The following DNAJC13 variants were observed in gnomAD, a reference collection of about 807,000 sequenced individuals.
DNAJC13 encodes the protein DnaJ heat shock protein family (Hsp40) member C13, also known as dnaJ homolog subfamily C member 13.
DNAJC13 carries 75 observed loss-of-function variants against 290.5 expected under a neutral mutation model. That is an observed-to-expected ratio of 0.26 (90% CI 0.21 to 0.31). The LOEUF is 0.31. Ranked by LOEUF, DNAJC13 falls within the 10% of genes least tolerant of loss-of-function variation. The pLI is 1.00. For synonymous variants in DNAJC13, 862 were observed against 892.0 expected, an observed-to-expected ratio of 0.97 and a Z score of 0.60; for missense variants, 2,260 against 2,674.5, an observed-to-expected ratio of 0.85 and a Z score of 3.42.
At position 132,516,947 on chromosome 3, in the gene DNAJC13, A is replaced by G; in HGVS notation, c.5673+131A>G. The stretch of plus-strand genomic sequence containing the variant: ...AATGAGGTGATGTGAAAGTTGGAAA[A>G]TTCACATTCCGGGAATTGTTCCTAT... On this transcript the variant is annotated intron_variant, in intron 48 of 55. Transcript: ENST00000260818. 5.0e-6 allele frequency: 4 copies of G among 797,880 alleles called. No homozygotes were observed. The South Asian group carries it at 7.3e-5, about 15-fold the overall frequency. 49.4% of individuals were successfully genotyped at this position (797,880 alleles called of 1,614,324 possible).
rs1193464069 is a variant in DNAJC13 at position 132,539,020 on chromosome 3, TTTG to T, written c.*741_*743del. 6.5e-6 allele frequency: 1 copy of T among 152,686 alleles called. No homozygotes were observed. The highest frequency in any genetic ancestry group is 1.5e-5 in the Non-Finnish European group (1 of 68,046). 9.5% of individuals were successfully genotyped at this position (152,686 alleles called of 1,614,324 possible). A position where few individuals can be genotyped will look rare whatever the true frequency, so the allele number is the denominator to read the frequency against. On this transcript the variant is annotated 3_prime_UTR_variant, in exon 56 of 56. Coordinates refer to ENST00000260818, the MANE Select transcript of DNAJC13 (RefSeq NM_015268.4). ...TTTAAAAATAAAGGGAATTGACTGC[TTTG>T]TTAATGAGATATATTTGTTCTAGTT... is the stretch of plus-strand genomic sequence containing the variant.
intron 1 of DNAJC13, among the ~76,000 whole-genome samples, 197 bp from the exon 2 acceptor site, chr3:132,434,341 G>T (rs1306827915): frequency 7.4e-6 from 1 of 135,594 alleles, no homozygotes; most frequent in South Asian, 2.2e-4. Flanking sequence ...AGCAAAGATC[G>T]TGCCACTGCA....
intron 22 of DNAJC13, among the ~76,000 whole-genome samples, chr3:132,476,674 A>G (rs1266413539): frequency 6.6e-6 from 1 of 151,838 alleles, no homozygotes; most frequent in Admixed American, 6.6e-5. Context: ...CCTCTCTCAC[A>G]CTCTGTTCCA....
chr3:132,485,223 C>T (rs1032732089), intron 29 of DNAJC13, among the ~76,000 whole-genome samples: 3 of 152,148 alleles, frequency 2.0e-5, no homozygotes, highest in East Asian at 1.9e-4. Context: ...ATCCAACCTT[C>T]GCCTCCCATG....
At chr3:132,449,020 A>C (rs1055999651) in intron 5 of DNAJC13, among the ~76,000 whole-genome samples, 4 of 152,188 alleles carry the variant, frequency 2.6e-5, no homozygotes, top group African/African-American at 9.7e-5. Flanking sequence ...AGTTAACTTC[A>C]GCCATTTAAT....
At chr3:132,488,572 T>G in intron 30 of DNAJC13, 120 bp downstream of exon 30, 1 of 1,040,598 alleles carries the variant, frequency 9.6e-7, no homozygotes, top group East Asian at 2.7e-5. Context: ...TAAAGGCTAT[T>G]TAAGTACATG....
chr3:132,440,856 T>C (rs1010890437), intron 2 of DNAJC13, among the ~76,000 whole-genome samples: 2 of 152,198 alleles, frequency 1.3e-5, no homozygotes, highest in African/African-American at 4.8e-5. Context: ...GTTAAGGAAG[T>C]TATCAGAGAA....
intron 55 of DNAJC13, among the ~76,000 whole-genome samples, chr3:132,531,364 C>A (rs971855004): frequency 6.6e-6 from 1 of 152,112 alleles, no homozygotes; most frequent in African/African-American, 2.4e-5. Context: ...ATATTTGGAG[C>A]ATGTCTGTAT....
chr3:132,519,476 T>C (rs1437083422), intron 48 of DNAJC13, among the ~76,000 whole-genome samples: 3 of 152,146 alleles, frequency 2.0e-5, no homozygotes, highest in African/African-American at 7.2e-5. Flanking sequence ...TATTGAGTTG[T>C]AATTGTTATG....
Position 132,490,932 on chromosome 3 carries a change from TG to T in DNAJC13, c.3507del (p.His1170ThrfsTer11). On this transcript the variant is annotated frameshift_variant, in exon 32 of 56. Coordinates refer to ENST00000260818, the MANE Select transcript of DNAJC13 (RefSeq NM_015268.4). LOFTEE classifies it high-confidence loss of function. ...GQDIFQRSILGHILPEAMVCY... is the reference protein window; with the variant it reads ...GQDIFQRSILXHILPEAMVCY... Reference sequence around the variant, plus strand: ...AAGATATTTTTCAGAGAAGTATACTTGGGCACATTCTACCTGAAGCAATGGT... The same window carrying T: ...AAGATATTTTTCAGAGAAGTATACTTGGCACATTCTACCTGAAGCAATGGT... 6.2e-7 allele frequency: 1 copy of T among 1,609,726 alleles called. No homozygotes were observed. The highest frequency in any genetic ancestry group is 8.5e-7 in the Non-Finnish European group (1 of 1,178,558).
intron 54 of DNAJC13, 98 bp downstream of exon 54, chr3:132,528,430 G>A: frequency 7.0e-7 from 1 of 1,419,478 alleles, no homozygotes; most frequent in Non-Finnish European, 9.6e-7. Context: ...TACAGATATG[G>A]TTCTGTTGGT....
In DNAJC13 at chr3:132,453,503, C is replaced by T. The variant is rs1279223311; in HGVS notation, c.743C>T (p.Ser248Leu). The T allele has an allele frequency of 7.4e-6, 12 of 1,613,398 alleles. No homozygotes were observed. The highest frequency in any genetic ancestry group is 2.7e-5 in the African/African-American group (2 of 74,874). ...GTCCAAAAAATATCACCTAGACATT[C>T]GGTAAGACCCATATGTTAAAAATGA... ...FVVQKISPRH[S>L]EPVKRVLALT... The change falls in exon 7 of 56, where the codon TCG becomes TTG. Residue 248 changes from serine to leucine, a missense_variant and splice_region_variant. This residue lies in a region of DNAJC13 where 762 missense variants were observed against 964.1 expected (regional missense o/e 0.79). Coordinates refer to ENST00000260818, the MANE Select transcript of DNAJC13 (RefSeq NM_015268.4).
chr3:132,480,187 T>G (rs1934619342), intron 25 of DNAJC13, among the ~76,000 whole-genome samples, 182 bp from the exon 26 acceptor site: 1 of 152,174 alleles, frequency 6.6e-6, no homozygotes, highest in Admixed American at 6.5e-5. Context: ...TCAGGTTCCT[T>G]GAACACAAAA....
chr3:132,489,021 G>C lies in DNAJC13; in HGVS notation c.3468G>C (p.Glu1156Asp). 6.2e-7 allele frequency: 1 copy of C among 1,610,356 alleles called. No individual in the cohort carries two copies. Among genetic ancestry groups the C allele is most frequent in the Non-Finnish European group, 8.5e-7 (1 of 1,177,208 alleles). The change falls in exon 31 of 56, where the codon GAG becomes GAC. Residue 1156 changes from glutamate (E) to aspartate (D), a missense_variant and splice_region_variant. By Grantham distance (45) the Glu-to-Asp change is conservative. Transcript: ENST00000260818. ...CCAAACAGGCTTTCAAGTCAGAAGA[G>C]GTAAGCCAGGTTAATCCTCTGAATA... ...THTKQAFKSE[E>D]TKGQDIFQRS...
At chr3:132,454,361 A>C (rs1004307510) in intron 9 of DNAJC13, among the ~76,000 whole-genome samples, 1 of 121,838 alleles carries the variant, frequency 8.2e-6, no homozygotes, top group African/African-American at 3.3e-5. Flanking sequence ...TCACTGTGTC[A>C]CTCAGGCTGG....
At chr3:132,492,674 C>G (rs1008009781) in intron 33 of DNAJC13, 59 bp downstream of exon 33, 2 of 1,490,412 alleles carry the variant, frequency 1.3e-6, no homozygotes, top group Non-Finnish European at 1.9e-6. Context: ...CTAAACACTT[C>G]TGGGTATTTT....
chr3:132,514,487 C>T, intron 45 of DNAJC13, 84 bp from the exon 46 acceptor site: 3 of 856,838 alleles, frequency 3.5e-6, no homozygotes, highest in South Asian at 3.7e-5. Context: ...ACATTTGTCT[C>T]ACTTGTACAG....
intron 54 of DNAJC13, 64 bp downstream of exon 54, chr3:132,528,396 A>G: frequency 6.4e-7 from 1 of 1,573,438 alleles, no homozygotes; most frequent in Non-Finnish European, 8.7e-7. Context: ...TGGATGGTCC[A>G]CGTACCTGTG....
intron 46 of DNAJC13, chr3:132,514,919 G>GATA: frequency 4.9e-6 from 1 of 203,502 alleles, no homozygotes; most frequent in South Asian, 4.3e-5. Context: ...TTTTCAGTTT[G>GATA]TTGAGATCTA....
Sources: allele counts gnomAD v4.1 joint callset (sites outside exome capture counted in the v4.1 genomes callset), GRCh38; gene constraint gnomAD v4.1.1; regional missense constraint gnomAD v4.1.1; transcripts MANE v1.5; gene names NCBI Gene and HGNC (gene_info 2026-07-23, HGNC 2026-07-21).